Variants in NPAS3 observed in about 807,000 individuals in gnomAD.
NPAS3 encodes neuronal PAS domain protein 3, also known as neuronal PAS domain-containing protein 3.
A neutral mutation model predicts 73.1 loss-of-function variants in NPAS3; 14 were observed. The observed-to-expected ratio is 0.19, with a 90% CI of 0.13 to 0.30. The LOEUF is 0.30. Among genes scored for constraint, NPAS3 ranks in the 10% least tolerant of loss-of-function variants. NPAS3 has a pLI of 1.00. For synonymous variants in NPAS3, 620 were observed against 541.5 expected (o/e 1.14, Z -2.01); for missense variants, 1,096 against 1,250.0 (o/e 0.88, Z 1.86).
At chr14:33,727,526 A>C (rs537287250) in intron 6 of NPAS3, among the ~76,000 whole-genome samples, 20 of 152,170 alleles carry the variant, frequency 1.3e-4, no homozygotes, top group African/African-American at 4.8e-4. Flanking sequence ...CTGCCTTCAC[A>C]AAGGTGTTTA....
intron 3 of NPAS3, among the ~76,000 whole-genome samples, chr14:33,283,068 A>ATT (rs1387437583): frequency 6.6e-6 from 1 of 152,310 alleles, no homozygotes; most frequent in African/African-American, 2.4e-5. Context: ...TTATGAGCAC[A>ATT]TTGTGCAGAG....
At chr14:33,283,579 CAT>C (rs2041719030) in intron 3 of NPAS3, among the ~76,000 whole-genome samples, 1 of 152,178 alleles carries the variant, frequency 6.6e-6, no homozygotes, top group African/African-American at 2.4e-5. Context: ...TTCAGAAAGG[CAT>C]ATTTCCTTGT....
At chr14:33,275,766 G>A (rs1262985793) in intron 3 of NPAS3, among the ~76,000 whole-genome samples, 2 of 152,144 alleles carry the variant, frequency 1.3e-5, no homozygotes, top group Non-Finnish European at 2.9e-5. Flanking sequence ...AAAGTGGATA[G>A]TCATAATAAA....
chr14:32,995,711 T>C (rs780738083), intron 1 of NPAS3, among the ~76,000 whole-genome samples: 1 of 152,250 alleles, frequency 6.6e-6, no homozygotes, highest in Non-Finnish European at 1.5e-5. Flanking sequence ...CCATGTAAGA[T>C]GTGACTTGCT....
intron 6 of NPAS3, chr14:33,680,486 T>C (rs2059903627): frequency 4.6e-6 from 3 of 658,634 alleles, no homozygotes; most frequent in Non-Finnish European, 8.2e-6. Context: ...GGTATGTATG[T>C]GTTTGGTGGG....
At chr14:33,558,280 A>G (rs1211709586) in intron 4 of NPAS3, among the ~76,000 whole-genome samples, 3 of 150,520 alleles carry the variant, frequency 2.0e-5, no homozygotes, top group Non-Finnish European at 4.4e-5. Flanking sequence ...TTTTTTTTTG[A>G]GACAGAGTCT....
At chr14:33,586,297 C>A (rs996773611) in intron 5 of NPAS3, among the ~76,000 whole-genome samples, 1 of 150,576 alleles carries the variant, frequency 6.6e-6, no homozygotes, top group African/African-American at 2.5e-5. Flanking sequence ...TTTTGAGTTC[C>A]CCCATCTGAA....
intron 6 of NPAS3, among the ~76,000 whole-genome samples, chr14:33,679,077 C>A (rs894094580): frequency 4.6e-5 from 7 of 152,212 alleles, no homozygotes; most frequent in South Asian, 2.1e-4. Context: ...CCTTCCCCTG[C>A]CTTCACCAGC....
intron 4 of NPAS3, among the ~76,000 whole-genome samples, chr14:33,460,247 T>C: frequency 6.6e-6 from 1 of 152,222 alleles, no homozygotes; most frequent in East Asian, 1.9e-4. Context: ...TACTATTATG[T>C]TGGAGTACAA....
At chr14:33,148,031 A>T (rs1443225247) in intron 2 of NPAS3, among the ~76,000 whole-genome samples, 2 of 152,070 alleles carry the variant, frequency 1.3e-5, no homozygotes, top group Non-Finnish European at 2.9e-5. Context: ...AGAAACCAAT[A>T]GAATGTGAAA....
intron 3 of NPAS3, among the ~76,000 whole-genome samples, chr14:33,265,982 A>G (rs1165624728): frequency 1.3e-5 from 2 of 150,998 alleles, no homozygotes; most frequent in African/African-American, 4.9e-5. Context: ...ACTTATTTAT[A>G]TACTTAAATA....
chr14:33,295,545 G>T (rs752600593), intron 3 of NPAS3, among the ~76,000 whole-genome samples: 2 of 152,170 alleles, frequency 1.3e-5, no homozygotes, highest in Non-Finnish European at 2.9e-5. Flanking sequence ...AGGAAGAGCT[G>T]CTTATTGCTG....
chr14:33,197,981 T>C (rs572869051), intron 2 of NPAS3, among the ~76,000 whole-genome samples: 2 of 151,540 alleles, frequency 1.3e-5, no homozygotes, highest in South Asian at 4.2e-4. Context: ...GGTGGGTTCA[T>C]GGTCTCACTG....
At chr14:33,051,223 G>A (rs1001041630) in intron 1 of NPAS3, among the ~76,000 whole-genome samples, 3 of 145,330 alleles carry the variant, frequency 2.1e-5, no homozygotes, top group African/African-American at 5.3e-5. Flanking sequence ...GCAGTGAGCC[G>A]AGATTGCGCC....
chr14:33,180,235 G>A (rs66891365), intron 2 of NPAS3, among the ~76,000 whole-genome samples: 36,714 of 151,446 alleles, frequency 0.24, 4,894 homozygotes, highest in East Asian at 0.51. Flanking sequence ...AAATTTTTTT[G>A]TTTTTTATTT....
At chr14:33,000,670 G>A (rs2038774009) in intron 1 of NPAS3, among the ~76,000 whole-genome samples, 1 of 152,186 alleles carries the variant, frequency 6.6e-6, no homozygotes, top group Non-Finnish European at 1.5e-5. Context: ...AATATAAATG[G>A]AGATACATGA....
intron 3 of NPAS3, among the ~76,000 whole-genome samples, chr14:33,309,812 G>T (rs1040795605): frequency 1.3e-5 from 2 of 152,178 alleles, no homozygotes; most frequent in Non-Finnish European, 2.9e-5. Flanking sequence ...CTGTAAGTCT[G>T]CCTTCCCCTG....
rs2036575753 is a variant in NPAS3, at chr14:32,953,789, C to A, written c.50+14423C>A. Among the ~76,000 whole-genome samples, 3 of 152,120 alleles carry A rather than the reference C, an allele frequency of 2.0e-5. No homozygotes were observed. The South Asian group carries it at 6.2e-4, about 32-fold the overall frequency. ...AATGATACCTGCACACACAGTAGTG[C>A]AGTAGGTTGTGTTACAAGAGGACCC... On this transcript the variant is annotated intron_variant, in intron 1 of 11. Transcript: ENST00000356141.
chr14:33,055,793 T>TCGGTGGTCG, intron 1 of NPAS3, 112 bp from the exon 2 acceptor site: 1 of 652,878 alleles, frequency 1.5e-6, no homozygotes, highest in Non-Finnish European at 2.8e-6. Context: ...TGTGTAGAGC[T>TCGGTGGTCG]CAAAAGCGTA....
Sources: allele counts gnomAD v4.1 joint callset (sites outside exome capture counted in the v4.1 genomes callset), GRCh38; gene constraint gnomAD v4.1.1; transcripts MANE v1.5; gene names NCBI Gene and HGNC (gene_info 2026-07-23, HGNC 2026-07-21).